Variants in NUP160 observed in about 807,000 individuals in gnomAD.
NUP160 encodes the protein nucleoporin 160, also known as nuclear pore complex protein Nup160.
NUP160 carries 94 observed loss-of-function variants against 196.9 expected under a neutral mutation model. That is an observed-to-expected ratio of 0.48 (90% CI 0.40 to 0.57). The LOEUF is 0.57. Among genes scored for constraint, NUP160 ranks in the 20% least tolerant of loss-of-function variants. The pLI is 0.00. For synonymous variants in NUP160, 605 were observed against 619.7 expected (o/e 0.98, Z 0.35); for missense variants, 1,638 against 1,748.3 (o/e 0.94, Z 1.13).
chr11:47,815,993 A>G (rs752960943), exon 12 of NUP160: 2 of 1,613,906 alleles, frequency 1.2e-6, no homozygotes, highest in African/African-American at 2.7e-5. Context: ...TCACTCCAGG[A>G]AAGATCCAAA....
At chr11:47,828,408 T>C (rs1267491187) in intron 7 of NUP160, among the ~76,000 whole-genome samples, 1 of 152,076 alleles carries the variant, frequency 6.6e-6, no homozygotes, top group Non-Finnish European at 1.5e-5. Context: ...GAATCAAATA[T>C]TTAAGAAGAA....
exon 24 of NUP160, chr11:47,798,453 A>G: frequency 6.3e-7 from 1 of 1,582,224 alleles, no homozygotes; most frequent in South Asian, 1.1e-5. Flanking sequence ...GACATCTAGT[A>G]GTCGTAAAAC....
intron 34 of NUP160, among the ~76,000 whole-genome samples, chr11:47,780,929 T>C (rs990024823): frequency 6.6e-6 from 1 of 152,116 alleles, no homozygotes; most frequent in Non-Finnish European, 1.5e-5. Context: ...TGTCATTTTT[T>C]TCGGTTAAAT....
chr11:47,831,161 T>TCAACAACAA (rs75205280), intron 7 of NUP160, among the ~76,000 whole-genome samples: 2 of 150,962 alleles, frequency 1.3e-5, no homozygotes, highest in Non-Finnish European at 1.5e-5. Context: ...AGATTCCATC[T>TCAACAACAA]CAACAACAAC....
chr11:47,843,356 T>C (rs1288689022), intron 2 of NUP160, among the ~76,000 whole-genome samples: 1 of 152,230 alleles, frequency 6.6e-6, no homozygotes, highest in African/African-American at 2.4e-5. Flanking sequence ...TCATCTTGCC[T>C]GGCTTAAATG....
intron 29 of NUP160, among the ~76,000 whole-genome samples, 199 bp downstream of exon 29, chr11:47,791,731 T>C (rs112493813): frequency 2.0e-5 from 3 of 152,182 alleles, no homozygotes; most frequent in African/African-American, 7.2e-5. Context: ...TCCAATATAC[T>C]TATTGAAAAC....
chr11:47,805,026 A>T (rs2097676624), intron 20 of NUP160, among the ~76,000 whole-genome samples: 1 of 152,198 alleles, frequency 6.6e-6, no homozygotes, highest in Admixed American at 6.6e-5. Context: ...TTCATTTTCA[A>T]TTCCAGCTGG....
At chr11:47,834,861 G>A (rs1243049877) in intron 7 of NUP160, among the ~76,000 whole-genome samples, 2 of 152,196 alleles carry the variant, frequency 1.3e-5, no homozygotes, top group Admixed American at 6.5e-5. Context: ...CACATGGACA[G>A]AAAGCTTGGT....
At chr11:47,847,823 G>C in intron 2 of NUP160, 25 bp downstream of exon 2, 2 of 1,519,178 alleles carry the variant, frequency 1.3e-6, no homozygotes, top group Middle Eastern at 1.7e-4. Flanking sequence ...CCTTCCAGGG[G>C]AGTTTGGCGA....
rs534532167 is a variant in NUP160 at position 47,833,157 on chromosome 11, T to C, written c.1101+2494A>G. 6.6e-5 allele frequency among the ~76,000 whole-genome samples: 10 copies of C among 152,216 alleles called. No individual in the cohort carries two copies. The South Asian group carries it at 2.1e-3, about 32-fold the overall frequency. On this transcript the variant is annotated intron_variant, in intron 7 of 35. Transcript: ENST00000378460. ...GTGAATTACATCTCAAGAAAGCTGTTTAAATAAATGAATAGGCTGGGCGTG... is the reference window on the plus strand; with the variant it reads ...GTGAATTACATCTCAAGAAAGCTGTCTAAATAAATGAATAGGCTGGGCGTG...
intron 29 of NUP160, among the ~76,000 whole-genome samples, chr11:47,789,022 G>A (rs1228347167): frequency 1.3e-5 from 2 of 151,854 alleles, no homozygotes; most frequent in East Asian, 1.9e-4. Flanking sequence ...GATTACAGGC[G>A]TGCACCACCA....
At chr11:47,845,540 C>T (rs540179177) in intron 2 of NUP160, among the ~76,000 whole-genome samples, 9 of 152,278 alleles carry the variant, frequency 5.9e-5, no homozygotes, top group Admixed American at 3.9e-4. Context: ...GGGTCTGGAT[C>T]GGCACCCTTT....
rs765737373 is a variant in NUP160 at position 47,837,631 on chromosome 11, G to C, written c.749-8C>G. 64 of 1,610,698 alleles carry C rather than the reference G, an allele frequency of 4.0e-5. No individual in the cohort carries two copies. The South Asian group carries it at 6.9e-4, about 17-fold the overall frequency. The stretch of plus-strand genomic sequence containing the variant: ...CCACGACTGACACCATACCTGCAAT[G>C]ATATCCAAGGCACCTCTTGAACACA... On this transcript the variant is annotated splice_polypyrimidine_tract_variant and splice_region_variant and intron_variant, in intron 4 of 35. Transcript: ENST00000378460.
At chr11:47,837,087 T>C in intron 5 of NUP160, 86 bp from the exon 6 acceptor site, 1 of 724,524 alleles carries the variant, frequency 1.4e-6, no homozygotes, top group South Asian at 1.8e-5. Context: ...ATAATAAAAT[T>C]ATAAATGTAC....
intron 21 of NUP160, among the ~76,000 whole-genome samples, chr11:47,803,865 A>C (rs911755356): frequency 1.3e-5 from 2 of 152,162 alleles, no homozygotes; most frequent in Non-Finnish European, 2.9e-5. Context: ...ACTATGAAGA[A>C]AACCTAGCAG....
intron 34 of NUP160, among the ~76,000 whole-genome samples, chr11:47,782,301 A>AT (rs1318265244): frequency 3.8e-4 from 17 of 44,950 alleles, no homozygotes; most frequent in East Asian, 1.1e-3. Context: ...AAAAAAAAAA[A>AT]AAATATATAT....
chr11:47,785,063 A>C, exon 33 of NUP160: 1 of 1,547,150 alleles, frequency 6.5e-7, no homozygotes, highest in Non-Finnish European at 8.7e-7. Flanking sequence ...CATCTGTAGC[A>C]CTTGAAAAAA....
chr11:47,787,259 T>C (rs2135345040), intron 31 of NUP160, among the ~76,000 whole-genome samples: 1 of 152,036 alleles, frequency 6.6e-6, no homozygotes, highest in Non-Finnish European at 1.5e-5. Context: ...GGCTAACTTT[T>C]GTATTTTTAG....
chr11:47,778,181 A>C (rs1489498597), exon 36 of NUP160: 1 of 152,448 alleles, frequency 6.6e-6, no homozygotes, highest in Non-Finnish European at 1.5e-5. Context: ...GGCTTCTGAA[A>C]AACTCAAGAA....
Sources: gnomAD v4.1 joint callset for allele counts (sites outside exome capture counted in the v4.1 genomes callset) on GRCh38, gnomAD v4.1.1 for gene constraint, MANE v1.5 for transcripts, NCBI Gene and HGNC (gene_info 2026-07-23, HGNC 2026-07-21) for gene names.